ATL1: variants seen among roughly 807,000 people sequenced by gnomAD.
The protein encoded by ATL1 is atlastin GTPase 1, also known as atlastin-1.
A neutral mutation model predicts 75.5 loss-of-function variants in ATL1; 31 were observed. That is an observed-to-expected ratio of 0.41 (90% confidence interval 0.31 to 0.55). The LOEUF (loss-of-function observed/expected upper bound fraction) is 0.55, where lower values mean the gene tolerates loss of function less well. ATL1 is among the 20% of genes least tolerant of loss of function. The probability of loss-of-function intolerance (pLI) is 0.27; values close to 1 mark genes in which losing one functional copy is unlikely to be tolerated. For missense variants in ATL1, 405 were observed against 662.6 expected (o/e 0.61, Z 4.27); for synonymous variants, 226 against 233.3 (o/e 0.97, Z 0.28).
chr14:50,595,461 C>T, intron 5 of ATL1, 115 bp from the exon 6 acceptor site: 1 of 920,562 alleles, frequency 1.1e-6, no homozygotes, highest in Non-Finnish European at 1.7e-6. Context: ...TCTGTTATAC[C>T]TAGAGGGAAA....
Position 50,562,145 on chromosome 14 carries a change from C to T in ATL1, c.34+1846C>T, listed in dbSNP as rs1005417392. Among the ~76,000 whole-genome samples the T allele has an allele frequency of 3.3e-5, 5 of 152,072 alleles. No individual in the cohort carries two copies. The South Asian group carries it at 6.2e-4, about 19-fold the overall frequency. ...CTGCAAGCTCCACCTCCCGGGTTCA[C>T]GCCATTCTCCTGCCTCAACCTCCCG... On this transcript the variant is annotated intron_variant, in intron 1 of 13. Coordinates refer to ENST00000358385, the MANE Select transcript of ATL1 (RefSeq NM_015915.5).
At chr14:50,535,009 G>A (rs7160298) in intron 1 of ATL1, among the ~76,000 whole-genome samples, 151,367 of 152,368 alleles carry the variant, frequency 0.99, 75,199 homozygotes, top group Middle Eastern at 1. Context: ...AAACCACCCA[G>A]TTTCATATGA....
At chr14:50,585,824 T>C (rs1457770992) in intron 1 of ATL1, among the ~76,000 whole-genome samples, 1 of 152,208 alleles carries the variant, frequency 6.6e-6, no homozygotes. Context: ...ATAGAAGCTA[T>C]TATCTTTCAG....
intron 9 of ATL1, 114 bp from the exon 10 acceptor site, chr14:50,621,729 A>G (rs2039468475): frequency 2.8e-6 from 2 of 719,506 alleles, no homozygotes; most frequent in Admixed American, 2.4e-5. Context: ...TAAAATAGTT[A>G]TAAGTTCCTG....
intron 9 of ATL1, among the ~76,000 whole-genome samples, 193 bp downstream of exon 9, chr14:50,620,919 T>C (rs573859548): frequency 1.3e-5 from 2 of 152,332 alleles, no homozygotes; most frequent in South Asian, 2.1e-4. Context: ...AAATTATTCT[T>C]TTGAGGAAAC....
intron 1 of ATL1, among the ~76,000 whole-genome samples, chr14:50,542,006 C>CAAAAAAAAAAAAA (rs59075218): frequency 1.6e-5 from 1 of 62,462 alleles, no homozygotes; most frequent in Non-Finnish European, 2.7e-5. Context: ...GATTCCGTCT[C>CAAAAAAAAAAAAA]AAAAAAAAAA....
chr14:50,596,734 GGTTAA>G (rs2039221188), intron 6 of ATL1, among the ~76,000 whole-genome samples: 1 of 152,058 alleles, frequency 6.6e-6, no homozygotes. Context: ...ATAATTCATG[GGTTAA>G]GTTAAACTCA....
At chr14:50,598,067 G>GCAAAA (rs1350875245) in intron 6 of ATL1, among the ~76,000 whole-genome samples, 1 of 152,048 alleles carries the variant, frequency 6.6e-6, no homozygotes, top group Non-Finnish European at 1.5e-5. Flanking sequence ...ATTCACAATA[G>GCAAAA]CAAAACAAAA....
rs1398256208 is a variant in ATL1, at chr14:50,587,814, A to G, written c.35-17A>G. On this transcript the variant is annotated splice_polypyrimidine_tract_variant and intron_variant, in intron 1 of 13. Transcript: ENST00000358385. ...TTTGAGATGATTAGCTGAACCAGTCACTGCTCTGTTCAACAGGTGGATTTT... is the reference window on the plus strand; with the variant it reads ...TTTGAGATGATTAGCTGAACCAGTCGCTGCTCTGTTCAACAGGTGGATTTT... The G allele has an allele frequency of 6.2e-7, 1 of 1,614,172 alleles. No individual in the cohort carries two copies. The highest frequency in any genetic ancestry group is 1.1e-5 in the South Asian group (1 of 91,084).
chr14:50,630,121 T>C (rs1316347455), intron 13 of ATL1, 112 bp downstream of exon 13: 2 of 701,464 alleles, frequency 2.9e-6, no homozygotes, highest in East Asian at 5.8e-5. Flanking sequence ...GAACAATCTT[T>C]GGTGACTTCT....
At chr14:50,618,699 CAAA>C (rs1396522878) in intron 8 of ATL1, among the ~76,000 whole-genome samples, 3 of 152,058 alleles carry the variant, frequency 2.0e-5, no homozygotes, top group Non-Finnish European at 4.4e-5. Flanking sequence ...TTAAGGCCTT[CAAA>C]ATCACCAACC....
chr14:50,590,082 T>C (rs531397828), intron 2 of ATL1, among the ~76,000 whole-genome samples: 217 of 152,350 alleles, frequency 1.4e-3, no homozygotes, highest in Non-Finnish European at 2.9e-3. Flanking sequence ...TTTCCTATTC[T>C]GTCTTCCTTT....
chr14:50,573,389 T>C (rs1402904771), intron 1 of ATL1, among the ~76,000 whole-genome samples: 2 of 152,218 alleles, frequency 1.3e-5, no homozygotes, highest in African/African-American at 2.4e-5. Context: ...TATGTGGCTA[T>C]TGAGCACTTG....
At chr14:50,606,194 A>G (rs2039315963) in intron 6 of ATL1, among the ~76,000 whole-genome samples, 2 of 152,148 alleles carry the variant, frequency 1.3e-5, no homozygotes, top group South Asian at 4.1e-4. Context: ...TGAAGCAGCT[A>G]ACTAATGAGT....
chr14:50,623,034 AATATT>A (rs2039482915), intron 10 of ATL1, 138 bp from the exon 11 acceptor site: 1 of 706,462 alleles, frequency 1.4e-6, no homozygotes, highest in Non-Finnish European at 2.5e-6. Flanking sequence ...ATGTAGTAGA[AATATT>A]ATAACAGTTT....
In ATL1 at chr14:50,587,707, C is replaced by A. The variant is rs929680321; in HGVS notation, c.35-124C>A. The A allele has an allele frequency of 6.7e-6, 9 of 1,346,648 alleles. No homozygotes were observed. In the Middle Eastern group the frequency reaches 7.2e-4, roughly 107 times the overall value. 83.4% of individuals were successfully genotyped at this position (1,346,648 alleles called of 1,614,324 possible). The stretch of plus-strand genomic sequence containing the variant: ...TACAGGCATGAGCCACTGCACCCAG[C>A]ATAAAATGAGCATTTATAATTCCAG... On this transcript the variant is annotated intron_variant, in intron 1 of 13. Coordinates refer to ENST00000358385, the MANE Select transcript of ATL1 (RefSeq NM_015915.5).
intron 8 of ATL1, among the ~76,000 whole-genome samples, chr14:50,615,877 G>T (rs1191104020): frequency 1.3e-5 from 2 of 152,218 alleles, no homozygotes; most frequent in African/African-American, 2.4e-5. Context: ...ATGGTGGCTT[G>T]TTCCATTACT....
upstream of ATL1, chr14:50,559,931 GA>G (rs2038813854): frequency 5.1e-6 from 2 of 395,906 alleles, no homozygotes; most frequent in South Asian, 5.8e-5. Flanking sequence ...GAGTGTGTTC[GA>G]GGGGGGTGCT....
chr14:50,555,243 A>G (rs2038751258), upstream of ATL1, among the ~76,000 whole-genome samples: 1 of 149,364 alleles, frequency 6.7e-6, no homozygotes, highest in African/African-American at 2.5e-5. Flanking sequence ...AGAAGGCATG[A>G]AGAACTTTAG....
Sources: allele counts gnomAD v4.1 joint callset (sites outside exome capture counted in the v4.1 genomes callset), GRCh38; gene constraint gnomAD v4.1.1; transcripts MANE v1.5; gene names NCBI Gene and HGNC (gene_info 2026-07-23, HGNC 2026-07-21).